SEZ6L: variants seen among roughly 807,000 people sequenced by gnomAD.
SEZ6L encodes the protein seizure 6-like protein.
A neutral mutation model predicts 106.2 loss-of-function variants in SEZ6L; 37 were observed. That is an observed-to-expected ratio of 0.35 (90% CI 0.27 to 0.46). The LOEUF (loss-of-function observed/expected upper bound fraction) is 0.46. Ranked by LOEUF, SEZ6L falls within the 20% of genes least tolerant of loss-of-function variation. The pLI is 1.00. For synonymous variants in SEZ6L, 541 were observed against 570.4 expected (o/e 0.95, Z 0.73); for missense variants, 1,172 against 1,332.8 (o/e 0.88, Z 1.88).
At chr22:26,208,969 C>T (rs1442512153) in intron 1 of SEZ6L, among the ~76,000 whole-genome samples, 1 of 144,090 alleles carries the variant, frequency 6.9e-6, no homozygotes, top group African/African-American at 2.6e-5. Flanking sequence ...TCTTTATTTT[C>T]TTCAGATTGA....
rs1226105442 is a variant in SEZ6L, at chr22:26,293,117, C to G, written c.806C>G (p.Thr269Ser). Reference sequence around the variant, plus strand: ...ACCACTACCTCCACCATTATCACCACCACGGTCATCACCACCGAGCAGGCA... The same window carrying G: ...ACCACTACCTCCACCATTATCACCAGCACGGTCATCACCACCGAGCAGGCA... ...QETTTSTIIT[T>S]TVITTEQAPA... The change falls in exon 2 of 17, where the codon ACC becomes AGC. Residue 269 changes from threonine to serine, a missense_variant. Coordinates refer to ENST00000248933, the MANE Select transcript of SEZ6L (RefSeq NM_021115.5). 6.3e-7 allele frequency: 1 copy of G among 1,581,670 alleles called. No individual in the cohort carries two copies. Among genetic ancestry groups the G allele is most frequent in the East Asian group, 2.3e-5 (1 of 43,866 alleles).
intron 9 of SEZ6L, among the ~76,000 whole-genome samples, chr22:26,325,665 ACTGAGTGG>A (rs1381539270): frequency 6.6e-6 from 1 of 152,170 alleles, no homozygotes; most frequent in Non-Finnish European, 1.5e-5. Flanking sequence ...CAATTCTTTC[ACTGAGTGG>A]CTGTGTGACC....
chr22:26,218,073 A>T (rs1262602101), intron 1 of SEZ6L, among the ~76,000 whole-genome samples: 1 of 152,208 alleles, frequency 6.6e-6, no homozygotes, highest in African/African-American at 2.4e-5. Context: ...AGGAAAACAG[A>T]TGCAGGAATA....
At chr22:26,309,932 G>A (rs1033092120) in intron 6 of SEZ6L, among the ~76,000 whole-genome samples, 2 of 152,144 alleles carry the variant, frequency 1.3e-5, no homozygotes, top group Non-Finnish European at 2.9e-5. Context: ...CAGAGGCTCA[G>A]AGAAGTGAAG....
At chr22:26,190,598 G>A (rs1214914844) in intron 1 of SEZ6L, among the ~76,000 whole-genome samples, 1 of 152,136 alleles carries the variant, frequency 6.6e-6, no homozygotes, top group African/African-American at 2.4e-5. Flanking sequence ...GGGTTGTGGA[G>A]GAGATTAAGT....
At chr22:26,334,131 C>T (rs560943077) in intron 9 of SEZ6L, among the ~76,000 whole-genome samples, 3 of 152,156 alleles carry the variant, frequency 2.0e-5, no homozygotes, top group Non-Finnish European at 4.4e-5. Flanking sequence ...ATTCATACAA[C>T]ATACAATTAG....
At position 26,351,079 on chromosome 22, in the gene SEZ6L, T is replaced by G. The variant is rs1327744517; in HGVS notation, c.2435T>G (p.Val812Gly). Residue 812 changes from valine (V) to glycine (G), a missense_variant, in exon 12 of 17, where the codon GTG becomes GGG. Coordinates refer to ENST00000248933, the MANE Select transcript of SEZ6L (RefSeq NM_021115.5). ...KIMYCTDPGEVDHSTRLISDP... is the reference protein window; with the variant it reads ...KIMYCTDPGEGDHSTRLISDP... ...ATGTACTGCACCGACCCCGGAGAGGTGGATCACTCGACCCGCTTAATTTCG... is the reference window on the plus strand; with the variant it reads ...ATGTACTGCACCGACCCCGGAGAGGGGGATCACTCGACCCGCTTAATTTCG... 6.2e-7 allele frequency: 1 copy of G among 1,613,920 alleles called. No homozygotes were observed. Among genetic ancestry groups the G allele is most frequent in the Non-Finnish European group, 8.5e-7 (1 of 1,180,006 alleles).
chr22:26,303,148 A>G (rs2145906235), intron 5 of SEZ6L, among the ~76,000 whole-genome samples: 1 of 152,360 alleles, frequency 6.6e-6, no homozygotes, highest in Non-Finnish European at 1.5e-5. Flanking sequence ...CTTATTTCAC[A>G]GAACAATCTC....
At chr22:26,190,687 G>T (rs1940132652) in intron 1 of SEZ6L, among the ~76,000 whole-genome samples, 1 of 152,154 alleles carries the variant, frequency 6.6e-6, no homozygotes, top group Non-Finnish European at 1.5e-5. Context: ...TGATTGGCCA[G>T]CCCTGACCTC....
intron 10 of SEZ6L, among the ~76,000 whole-genome samples, chr22:26,344,656 G>A (rs187951711): frequency 4.6e-5 from 7 of 152,312 alleles, no homozygotes; most frequent in Admixed American, 3.3e-4. Flanking sequence ...CCATGAGACC[G>A]AAACCATGAC....
At chr22:26,267,016 G>C (rs550536809) in intron 1 of SEZ6L, among the ~76,000 whole-genome samples, 3 of 152,310 alleles carry the variant, frequency 2.0e-5, no homozygotes, top group African/African-American at 7.2e-5. Context: ...GCCAATTAGA[G>C]GGAAGGTATT....
At chr22:26,182,356 C>T (rs1939460182) in intron 1 of SEZ6L, among the ~76,000 whole-genome samples, 1 of 152,162 alleles carries the variant, frequency 6.6e-6, no homozygotes, top group South Asian at 2.1e-4. Context: ...ATTTAAGGTC[C>T]AAGGCCTGAC....
At chr22:26,243,805 A>G (rs950761518) in intron 1 of SEZ6L, among the ~76,000 whole-genome samples, 2 of 152,140 alleles carry the variant, frequency 1.3e-5, no homozygotes, top group Non-Finnish European at 2.9e-5. Flanking sequence ...TATTTAACCC[A>G]TTAAGCCCCC....
rs983186803 is a variant in SEZ6L, at chr22:26,200,912, C to A, written c.94+31149C>A. ...CCTCTCAGCCTTTGTTCAAGCTGGACCTTCCATATGACTTACCTCCTCCAG... is the reference window on the plus strand; with the variant it reads ...CCTCTCAGCCTTTGTTCAAGCTGGAACTTCCATATGACTTACCTCCTCCAG... On this transcript the variant is annotated intron_variant, in intron 1 of 16. Transcript: ENST00000248933. Among the ~76,000 whole-genome samples, 7 of 152,200 alleles carry A rather than the reference C, an allele frequency of 4.6e-5. No individual in the cohort carries two copies. In the South Asian group the frequency reaches 1.0e-3, roughly 23 times the overall value.
chr22:26,295,537 T>A (rs544749207), intron 3 of SEZ6L, among the ~76,000 whole-genome samples: 171 of 152,296 alleles, frequency 1.1e-3, no homozygotes, highest in African/African-American at 4.0e-3. Context: ...TGCACAAGTG[T>A]GTGGCACATT....
At chr22:26,294,975 C>CTTGCTTGCTTGCTTGA (rs1343792028) in intron 3 of SEZ6L, among the ~76,000 whole-genome samples, 2 of 150,292 alleles carry the variant, frequency 1.3e-5, no homozygotes, top group African/African-American at 5.0e-5. Context: ...TGCTTGCTTG[C>CTTGCTTGCTTGCTTGA]TTTCCTTCAT....
chr22:26,348,722 AG>A (rs2083154446), intron 11 of SEZ6L, among the ~76,000 whole-genome samples: 2 of 70,408 alleles, frequency 2.8e-5, no homozygotes, highest in Non-Finnish European at 5.6e-5. Flanking sequence ...GAGGGAAGGG[AG>A]GGAAGGGAGG....
At chr22:26,227,236 G>C (rs1291467542) in intron 1 of SEZ6L, among the ~76,000 whole-genome samples, 1 of 152,198 alleles carries the variant, frequency 6.6e-6, no homozygotes, top group Non-Finnish European at 1.5e-5. Context: ...GCAGCTGAAG[G>C]CTGTGTGGCC....
chr22:26,263,674 C>T (rs1161678192), intron 1 of SEZ6L, among the ~76,000 whole-genome samples: 11 of 152,184 alleles, frequency 7.2e-5, no homozygotes, highest in African/African-American at 2.7e-4. Context: ...TATGCAGTGG[C>T]CTGTAGGGCA....
Sources: gnomAD v4.1 joint callset for allele counts (sites outside exome capture counted in the v4.1 genomes callset) on GRCh38, gnomAD v4.1.1 for gene constraint, MANE v1.5 for transcripts, NCBI Gene and HGNC (gene_info 2026-07-23, HGNC 2026-07-21) for gene names.